THOC5: variants seen among roughly 807,000 people sequenced by gnomAD.
THOC5 encodes the protein THO complex subunit 5.
A neutral mutation model predicts 92.9 loss-of-function variants in THOC5; 43 were observed. The observed-to-expected ratio is 0.46, with a 90% CI of 0.36 to 0.60. The LOEUF (loss-of-function observed/expected upper bound fraction) is 0.60. THOC5 is among the 20% of genes least tolerant of loss of function. The pLI, the probability that THOC5 is intolerant of heterozygous loss-of-function variation, is 0.00. For synonymous variants in THOC5, 296 were observed against 320.1 expected, an observed-to-expected ratio of 0.92 and a Z score of 0.80; for missense variants, 659 against 849.4, an observed-to-expected ratio of 0.78 and a Z score of 2.79.
intron 13 of THOC5, 106 bp from the exon 14 acceptor site, chr22:29,520,210 G>A (rs1036993883): frequency 1.1e-6 from 1 of 952,316 alleles, no homozygotes; most frequent in Non-Finnish European, 1.6e-6. Context: ...ATCCAGTCCT[G>A]CAGGTTTGGC....
rs1440675913 is a variant in THOC5 at position 29,519,047 on chromosome 22, A to T, written c.1448T>A (p.Val483Glu). Residue 483 changes from valine to glutamate, a missense_variant, in exon 15 of 20, where the codon GTG becomes GAG. Transcript: ENST00000490103. ...ETTMKLLKTR[V>E]QSRLALHKQF... ...TTTGTGGAGGGCCAGGCGGGACTGC[A>T]CCCTGGTCTTCAGAAGTTTCATGGT... 9 of 1,609,922 alleles carry T rather than the reference A, an allele frequency of 5.6e-6. No homozygotes were observed. Among genetic ancestry groups the T allele is most frequent in the Non-Finnish European group, 7.6e-6 (9 of 1,178,146 alleles).
At chr22:29,541,876 A>T (rs1407010208) in intron 5 of THOC5, among the ~76,000 whole-genome samples, 2 of 72,294 alleles carry the variant, frequency 2.8e-5, no homozygotes, top group South Asian at 5.1e-4. Flanking sequence ...AAAAAAAAAA[A>T]AAAAAAAAAA....
At chr22:29,518,905 G>A in intron 15 of THOC5, 101 bp downstream of exon 15, 2 of 815,704 alleles carry the variant, frequency 2.5e-6, no homozygotes, top group Admixed American at 2.2e-5. Flanking sequence ...TCCAGGTCTT[G>A]TATTTGTCAT....
intron 17 of THOC5, among the ~76,000 whole-genome samples, 194 bp downstream of exon 17, chr22:29,516,835 G>A (rs992774178): frequency 3.3e-5 from 5 of 152,242 alleles, no homozygotes; most frequent in African/African-American, 4.8e-5. Context: ...GGACTGCAGT[G>A]AGGGTTCAGT....
At chr22:29,532,070 T>A in intron 7 of THOC5, 107 bp from the exon 8 acceptor site, 1 of 1,365,018 alleles carries the variant, frequency 7.3e-7, no homozygotes, top group Non-Finnish European at 1.0e-6. Context: ...TGATACATGA[T>A]AAACTAATAG....
chr22:29,526,991 T>C (rs1171646292), intron 11 of THOC5, among the ~76,000 whole-genome samples: 1 of 152,200 alleles, frequency 6.6e-6, no homozygotes, highest in Non-Finnish European at 1.5e-5. Context: ...TTGTTAACAG[T>C]ATTGGGCCAA....
intron 17 of THOC5, 142 bp from the exon 18 acceptor site, chr22:29,512,278 G>C (rs2063240061): frequency 1.6e-6 from 1 of 643,980 alleles, no homozygotes; most frequent in Admixed American, 2.7e-5. Context: ...GGTACCAACT[G>C]TTCCAGAATG....
At chr22:29,528,402 C>T (rs1410186211) in intron 10 of THOC5, 24 bp downstream of exon 10, 1 of 1,614,000 alleles carries the variant, frequency 6.2e-7, no homozygotes, top group Non-Finnish European at 8.5e-7. Flanking sequence ...GCTTGATGCC[C>T]CCACAAGAGG....
At chr22:29,522,613 G>A (rs1461852014) in intron 12 of THOC5, among the ~76,000 whole-genome samples, 1 of 151,958 alleles carries the variant, frequency 6.6e-6, no homozygotes, top group Admixed American at 6.6e-5. Context: ...AAAAGGAAAG[G>A]CTATTTATAG....
chr22:29,508,600 GA>G, intron 19 of THOC5, 80 bp from the exon 20 acceptor site: 1 of 1,278,546 alleles, frequency 7.8e-7, no homozygotes, highest in Non-Finnish European at 1.1e-6. Flanking sequence ...TCACACAAGG[GA>G]AAAAGAAGAG....
chr22:29,535,932 C>T (rs1255822428), intron 7 of THOC5: 3 of 152,154 alleles, frequency 2.0e-5, no homozygotes, highest in Non-Finnish European at 4.4e-5. Context: ...CCCTCAGCCA[C>T]CCGAAGTGCT....
intron 1 of THOC5, among the ~76,000 whole-genome samples, chr22:29,552,201 C>T (rs1303410053): frequency 1.3e-5 from 2 of 151,836 alleles, no homozygotes; most frequent in East Asian, 1.9e-4. Context: ...TCTGCCCGGC[C>T]GCCACCCCGT....
chr22:29,543,825 G>C (rs935197263), intron 3 of THOC5, among the ~76,000 whole-genome samples: 1 of 152,150 alleles, frequency 6.6e-6, no homozygotes, highest in African/African-American at 2.4e-5. Flanking sequence ...CCTACACAGA[G>C]ATCCCAGCAA....
intron 17 of THOC5, 29 bp from the exon 18 acceptor site, chr22:29,512,165 G>T (rs2007668): frequency 0.49 from 780,819 of 1,590,006 alleles, 196,702 homozygotes; most frequent in East Asian, 0.76. Flanking sequence ...GGGGAAATGC[G>T]CAGTTCTAAG....
chr22:29,510,440 A>G (rs978157143), intron 19 of THOC5, among the ~76,000 whole-genome samples: 1 of 152,122 alleles, frequency 6.6e-6, no homozygotes, highest in Admixed American at 6.6e-5. Context: ...CTACAAAAAA[A>G]TTTAAAAATT....
At position 29,517,101 on chromosome 22, in the gene THOC5, T is replaced by C; in HGVS notation, c.1609A>G (p.Lys537Glu). Reference protein sequence around the residue: ...HEDYMELHFTKDIVDAGLAGD... With the variant: ...HEDYMELHFTEDIVDAGLAGD... ...GCCAGTCCCGCATCCACAATGTCTTTGGTGAAGTGCAGCTCCTAGAAGAGG... is the reference window on the plus strand; with the variant it reads ...GCCAGTCCCGCATCCACAATGTCTTCGGTGAAGTGCAGCTCCTAGAAGAGG... The change falls in exon 17 of 20, where the codon AAA (lysine) becomes GAA (glutamate). Residue 537 changes from lysine (K) to glutamate (E), a missense_variant. Lys to Glu is a moderately conservative substitution (Grantham distance 56). Coordinates refer to ENST00000490103, the MANE Select transcript of THOC5 (RefSeq NM_003678.5). The C allele has an allele frequency of 6.2e-7, 1 of 1,614,194 alleles. No homozygotes were observed. Among genetic ancestry groups the C allele is most frequent in the Non-Finnish European group, 8.5e-7 (1 of 1,180,044 alleles).
chr22:29,511,967 C>A, intron 18 of THOC5, 54 bp downstream of exon 18: 1 of 1,506,316 alleles, frequency 6.6e-7, no homozygotes, highest in Non-Finnish European at 9.2e-7. Context: ...CTGCCACGGC[C>A]ACCTCCCCCG....
At chr22:29,521,694 G>C (rs1372090403) in intron 12 of THOC5, among the ~76,000 whole-genome samples, 1 of 152,196 alleles carries the variant, frequency 6.6e-6, no homozygotes, top group Non-Finnish European at 1.5e-5. Context: ...TACAAGCGGA[G>C]AGAAATAGTG....
intron 5 of THOC5, 36 bp downstream of exon 5, chr22:29,542,823 A>T: frequency 6.9e-7 from 1 of 1,454,854 alleles, no homozygotes; most frequent in Non-Finnish European, 9.6e-7. Flanking sequence ...TTACCGAAAG[A>T]CCACATGTGC....
Sources: gnomAD v4.1 joint callset for allele counts (sites outside exome capture counted in the v4.1 genomes callset) on GRCh38, gnomAD v4.1.1 for gene constraint, MANE v1.5 for transcripts, NCBI Gene and HGNC (gene_info 2026-07-23, HGNC 2026-07-21) for gene names.